The following MIER3 variants were observed in gnomAD, a reference collection of about 807,000 sequenced individuals.
MIER3 encodes MIER family member 3, also known as mesoderm induction early response protein 3.
A neutral mutation model predicts 63.2 loss-of-function variants in MIER3; 9 were observed. That is an observed-to-expected ratio of 0.14 (90% confidence interval 0.09 to 0.25). The LOEUF (loss-of-function observed/expected upper bound fraction) is 0.25. Ranked by LOEUF, MIER3 falls within the 10% of genes least tolerant of loss-of-function variation. The pLI, the probability that MIER3 is intolerant of heterozygous loss-of-function variation, is 1.00. For missense variants in MIER3, 512 were observed against 666.2 expected, an observed-to-expected ratio of 0.77 and a Z score of 2.55; for synonymous variants, 205 against 224.9, an observed-to-expected ratio of 0.91 and a Z score of 0.79.
At chr5:56,942,636 C>T (rs1398802720) in intron 3 of MIER3, among the ~76,000 whole-genome samples, 37 of 151,902 alleles carry the variant, frequency 2.4e-4, no homozygotes, top group Non-Finnish European at 1.5e-5. Context: ...ATAGCCAAAA[C>T]CCTGGAGAAT....
At chr5:56,930,394 G>T (rs1308126959) in intron 9 of MIER3, among the ~76,000 whole-genome samples, 2 of 151,312 alleles carry the variant, frequency 1.3e-5, no homozygotes, top group Non-Finnish European at 2.9e-5. Flanking sequence ...AATTACTTTG[G>T]ACATATTGTC....
intron 3 of MIER3, among the ~76,000 whole-genome samples, chr5:56,944,226 CT>C (rs796663538): frequency 2.6e-5 from 4 of 152,180 alleles, no homozygotes; most frequent in African/African-American, 9.6e-5. Flanking sequence ...AATCCCAGCA[CT>C]TTGGGAGGCC....
chr5:56,931,674 G>T (rs1202975524), intron 8 of MIER3, among the ~76,000 whole-genome samples: 1 of 152,094 alleles, frequency 6.6e-6, no homozygotes, highest in East Asian at 1.9e-4. Flanking sequence ...AAAAACCTTA[G>T]ATGTATTACT....
intron 6 of MIER3, 45 bp from the exon 7 acceptor site, chr5:56,935,545 T>A (rs1750413751): frequency 1.3e-6 from 2 of 1,489,546 alleles, no homozygotes; most frequent in African/African-American, 1.4e-5. Context: ...AAAAAAAAAA[T>A]ACTGAAAAAA....
At chr5:56,941,005 T>A in intron 3 of MIER3, 1 of 985,428 alleles carries the variant, frequency 1.0e-6, no homozygotes, top group Non-Finnish European at 1.2e-6. Flanking sequence ...TCACCTTTTA[T>A]GCACTGATGG....
intron 5 of MIER3, among the ~76,000 whole-genome samples, chr5:56,937,134 G>A (rs531212591): frequency 6.6e-6 from 1 of 152,168 alleles, no homozygotes; most frequent in South Asian, 2.1e-4. Context: ...CAGTGCAGTA[G>A]CATGATCTCC....
At chr5:56,939,641 C>T (rs763925368) in intron 3 of MIER3, among the ~76,000 whole-genome samples, 19 of 152,104 alleles carry the variant, frequency 1.2e-4, no homozygotes, top group Non-Finnish European at 2.9e-5. Context: ...ATCCCAGTTC[C>T]CCAAGTTATC....
rs1750995919 is a variant in MIER3 at position 56,950,774 on chromosome 5, C to G, written c.10-122G>C. 3.6e-6 allele frequency: 4 copies of G among 1,104,754 alleles called. No individual in the cohort carries two copies. In the South Asian group the frequency reaches 4.1e-5, roughly 11 times the overall value. The allele number at this position is 1,104,754 out of a possible 1,614,324, so 68.4% of individuals were successfully genotyped here. On this transcript the variant is annotated intron_variant, in intron 1 of 12. Transcript: ENST00000381199. ...CTCCGCAGCTGCCAAAAGTGCAAGA[C>G]GTAGCTTCACTCGAATCGCTCCCGG...
At chr5:56,943,338 A>AT (rs1452603757) in intron 3 of MIER3, among the ~76,000 whole-genome samples, 2 of 151,502 alleles carry the variant, frequency 1.3e-5, no homozygotes, top group African/African-American at 2.4e-5. Flanking sequence ...GGAAATTTAA[A>AT]AAAAAAAAAG....
At chr5:56,951,694 C>T (rs566860970) in intron 1 of MIER3, among the ~76,000 whole-genome samples, 1 of 151,200 alleles carries the variant, frequency 6.6e-6, no homozygotes, top group South Asian at 2.1e-4. Context: ...GCGATCCGGC[C>T]GCGGAGGGGG....
At chr5:56,945,789 G>A (rs1232633835) in intron 3 of MIER3, among the ~76,000 whole-genome samples, 1 of 152,030 alleles carries the variant, frequency 6.6e-6, no homozygotes, top group Non-Finnish European at 1.5e-5. Flanking sequence ...AATCCCCTAA[G>A]ACTGTTAACA....
intron 4 of MIER3, among the ~76,000 whole-genome samples, chr5:56,938,065 C>G (rs1750514105): frequency 6.6e-6 from 1 of 152,070 alleles, no homozygotes; most frequent in Non-Finnish European, 1.5e-5. Context: ...GAAAAAATGC[C>G]TCCAACCTCC....
At chr5:56,928,941 G>A in intron 9 of MIER3, 80 bp from the exon 10 acceptor site, 2 of 887,116 alleles carry the variant, frequency 2.3e-6, no homozygotes, top group Admixed American at 2.1e-5. Context: ...TGTTTTCCCT[G>A]TAAAAGGTCA....
chr5:56,936,400 C>T (rs966766420), intron 5 of MIER3, among the ~76,000 whole-genome samples: 2 of 152,078 alleles, frequency 1.3e-5, no homozygotes, highest in East Asian at 3.9e-4. Flanking sequence ...TTTTTGTACA[C>T]ACACGAATGC....
rs749740062 is a variant in MIER3 at position 56,930,712 on chromosome 5, T to C, written c.781A>G (p.Ile261Val). 3 of 1,613,876 alleles carry C rather than the reference T, an allele frequency of 1.9e-6. No individual in the cohort carries two copies. The Admixed American group carries it at 5.0e-5, about 27-fold the overall frequency. ...CAGTATCTTTCGATTGCTTCCTTTA[T>C]ATTGTGGTTACACTTGAGAAGTTCA... ...LYELLKCNHN[I>V]KEAIERYCCN... The change falls in exon 9 of 13, where the codon ATA becomes GTA. Residue 261 changes from isoleucine (I) to valine (V), a missense_variant. Coordinates refer to ENST00000381199, the MANE Select transcript of MIER3 (RefSeq NM_001297599.2).
At position 56,919,965 on chromosome 5, in the gene MIER3, C is replaced by T. The variant is rs1749589851; in HGVS notation, c.*3163G>A. 2 of 152,502 alleles carry T rather than the reference C, an allele frequency of 1.3e-5. No homozygotes were observed. The highest frequency in any genetic ancestry group is 1.3e-4 in the Admixed American group (2 of 15,268). The allele number at this position is 152,502 out of a possible 1,614,324, so 9.4% of individuals were successfully genotyped here. A position where few individuals can be genotyped will look rare whatever the true frequency, so the allele number is the denominator to read the frequency against. On this transcript the variant is annotated 3_prime_UTR_variant, in exon 13 of 13. Coordinates refer to ENST00000381199, the MANE Select transcript of MIER3 (RefSeq NM_001297599.2). ...AATTATTTCAATTTCCATTTGTAGA[C>T]AATGTGCTTTGAAACTCTGGGCAAA...
chr5:56,937,527 A>G, intron 5 of MIER3, 51 bp downstream of exon 5: 1 of 1,504,882 alleles, frequency 6.6e-7, no homozygotes, highest in Non-Finnish European at 9.0e-7. Flanking sequence ...AAATGTACTA[A>G]AGCTACAGTA....
At chr5:56,936,659 T>C (rs1178562314) in intron 5 of MIER3, among the ~76,000 whole-genome samples, 4 of 152,020 alleles carry the variant, frequency 2.6e-5, no homozygotes, top group Non-Finnish European at 5.9e-5. Flanking sequence ...TACATGTGCA[T>C]GCCACTATGC....
Position 56,938,971 on chromosome 5 carries a change from T to C in MIER3, c.227A>G (p.Glu76Gly). 6.2e-7 allele frequency: 1 copy of C among 1,614,014 alleles called. No homozygotes were observed. The highest frequency in any genetic ancestry group is 8.5e-7 in the Non-Finnish European group (1 of 1,179,974). The change falls in exon 4 of 13, where the codon GAA becomes GGA. Residue 76 changes from glutamate (E) to glycine (G), a missense_variant. Transcript: ENST00000381199. ...ATTTGCAACTGCTGGAATTGTAGGT[T>C]CATAGCCATAGAATGCCAGTAAATC... is the stretch of plus-strand genomic sequence containing the variant. ...LEDLLAFYGY[E>G]PTIPAVANSS...
Sources: gnomAD v4.1 joint callset for allele counts (sites outside exome capture counted in the v4.1 genomes callset) on GRCh38, gnomAD v4.1.1 for gene constraint, MANE v1.5 for transcripts, NCBI Gene and HGNC (gene_info 2026-07-23, HGNC 2026-07-21) for gene names.